WDR27: variants seen among roughly 807,000 people sequenced by gnomAD.
The protein encoded by WDR27 is WD repeat domain 27, also known as WD repeat-containing protein 27.
WDR27 carries 100 observed loss-of-function variants against 114.4 expected under a neutral mutation model. The ratio of observed to expected loss-of-function variants is 0.87; its 90% CI spans 0.74 to 1.03. The LOEUF (loss-of-function observed/expected upper bound fraction) is 1.03. WDR27 is among the 50% of genes least tolerant of loss of function. The pLI is 0.00. For missense variants in WDR27, 1,129 were observed against 1,092.9 expected, an observed-to-expected ratio of 1.03 and a Z score of -0.47; for synonymous variants, 449 against 423.1, an observed-to-expected ratio of 1.06 and a Z score of -0.75.
At position 169,670,624 on chromosome 6, in the gene WDR27, T is replaced by A. The variant is rs773827084; in HGVS notation, c.401A>T (p.Asp134Val). 12 of 1,613,926 alleles carry A rather than the reference T, an allele frequency of 7.4e-6. No homozygotes were observed. Among genetic ancestry groups the A allele is most frequent in the Non-Finnish European group, 1.0e-5 (12 of 1,179,878 alleles). ...GKVLCLQLSLDDHVVAVCAGN... is the reference protein window; with the variant it reads ...GKVLCLQLSLVDHVVAVCAGN... ...AGCACACACGGCAACAACATGATCA[T>A]CCAGGCTCAACTGTAAACACAGCAC... Residue 134 changes from aspartate to valine, a missense_variant, in exon 4 of 26, where the codon GAT (aspartate) becomes GTT (valine). By Grantham distance (152) the Asp-to-Val change is radical. Coordinates refer to ENST00000448612, the MANE Select transcript of WDR27 (RefSeq NM_182552.5).
At chr6:169,605,361 T>C (rs1387305803) in intron 22 of WDR27, among the ~76,000 whole-genome samples, 5 of 151,710 alleles carry the variant, frequency 3.3e-5, no homozygotes, top group African/African-American at 7.3e-5. Context: ...CTATTTACAA[T>C]AGCTATAAAA....
intron 25 of WDR27, among the ~76,000 whole-genome samples, chr6:169,469,258 A>G (rs1175411338): frequency 1.3e-5 from 2 of 152,294 alleles, no homozygotes; most frequent in Middle Eastern, 3.4e-3. Flanking sequence ...CTAAATCTCT[A>G]TCTGTTAACC....
intron 2 of WDR27, among the ~76,000 whole-genome samples, chr6:169,685,611 T>G (rs937811815): frequency 6.6e-6 from 1 of 152,142 alleles, no homozygotes; most frequent in South Asian, 2.1e-4. Flanking sequence ...CTAGGCTTCA[T>G]CACGCTGAAG....
At chr6:169,641,277 C>G (rs1459151500) in intron 17 of WDR27, among the ~76,000 whole-genome samples, 8 of 152,226 alleles carry the variant, frequency 5.3e-5, no homozygotes, top group Non-Finnish European at 1.2e-4. Context: ...GCGCTGCGGG[C>G]CGCAGGGTGC....
intron 25 of WDR27, among the ~76,000 whole-genome samples, chr6:169,518,381 G>T (rs915503578): frequency 2.6e-5 from 4 of 152,256 alleles, no homozygotes; most frequent in African/African-American, 9.6e-5. Context: ...TATATCTTCT[G>T]AAATCTAGGC....
intron 21 of WDR27, among the ~76,000 whole-genome samples, chr6:169,624,344 C>T (rs1039532905): frequency 4.6e-5 from 7 of 152,128 alleles, no homozygotes; most frequent in Admixed American, 1.3e-4. Flanking sequence ...ACTCTGGATC[C>T]GAGGACAAAG....
At chr6:169,472,040 T>C (rs949975798) in intron 25 of WDR27, among the ~76,000 whole-genome samples, 1 of 152,164 alleles carries the variant, frequency 6.6e-6, no homozygotes, top group South Asian at 2.1e-4. Flanking sequence ...GGTATTAGGT[T>C]CTAACACATG....
intron 22 of WDR27, among the ~76,000 whole-genome samples, chr6:169,610,303 G>A (rs1421413290): frequency 6.6e-6 from 1 of 152,166 alleles, no homozygotes; most frequent in African/African-American, 2.4e-5. Context: ...TTGCACTGCT[G>A]ATAAAGACAT....
chr6:169,472,699 CTAATATT>C (rs1786593552), intron 25 of WDR27, among the ~76,000 whole-genome samples: 1 of 152,028 alleles, frequency 6.6e-6, no homozygotes, highest in South Asian at 2.1e-4. Context: ...AAGTAATAAA[CTAATATT>C]TATAGAGCAG....
intron 25 of WDR27, among the ~76,000 whole-genome samples, chr6:169,502,088 C>T (rs963394378): frequency 2.0e-5 from 3 of 152,192 alleles, no homozygotes; most frequent in African/African-American, 4.8e-5. Context: ...CTAGGGCAGC[C>T]GCCCCGGGGC....
intron 23 of WDR27, among the ~76,000 whole-genome samples, chr6:169,595,363 T>G (rs945507324): frequency 1.3e-5 from 2 of 152,230 alleles, no homozygotes. Flanking sequence ...AAAAGCTTTA[T>G]GCAAAACTCT....
chr6:169,428,394 T>C, the WDR27 span, among the ~76,000 whole-genome samples: 810 of 152,354 alleles, frequency 5.3e-3, 9 homozygotes, highest in African/African-American at 0.019. Context: ...GTTTTAGTTA[T>C]GGAATCTTAA....
chr6:169,670,509 A>G, intron 4 of WDR27, 60 bp downstream of exon 4: 2 of 1,606,644 alleles, frequency 1.2e-6, no homozygotes, highest in African/African-American at 1.3e-5. Context: ...AAGGTCCCAG[A>G]ACCTGGGAGG....
At chr6:169,582,581 A>G (rs1019588407) in intron 24 of WDR27, among the ~76,000 whole-genome samples, 1 of 152,192 alleles carries the variant, frequency 6.6e-6, no homozygotes, top group South Asian at 2.1e-4. Context: ...TCAATCAAAC[A>G]TGCATGACTG....
At chr6:169,670,794 C>T in intron 3 of WDR27, 101 bp from the exon 4 acceptor site, 1 of 1,425,344 alleles carries the variant, frequency 7.0e-7, no homozygotes, top group Non-Finnish European at 9.6e-7. Flanking sequence ...TCTAAAATTA[C>T]TGAGAGAATG....
chr6:169,526,708 G>A (rs747459159), intron 25 of WDR27, among the ~76,000 whole-genome samples: 22 of 151,976 alleles, frequency 1.4e-4, no homozygotes, highest in Non-Finnish European at 3.1e-4. Flanking sequence ...TAAGGAAAAT[G>A]AAAAATCCAC....
the WDR27 span, among the ~76,000 whole-genome samples, chr6:169,447,920 T>C: frequency 6.6e-6 from 1 of 152,204 alleles, no homozygotes; most frequent in Non-Finnish European, 1.5e-5. Context: ...ATTTTATACT[T>C]ACTTCCCTCA....
chr6:169,625,577 G>A (rs1478732859), intron 21 of WDR27, among the ~76,000 whole-genome samples: 2 of 152,206 alleles, frequency 1.3e-5, no homozygotes, highest in South Asian at 2.1e-4. Context: ...CAGGCCCGAC[G>A]GGGTCAGTCC....
intron 25 of WDR27, among the ~76,000 whole-genome samples, chr6:169,509,832 AG>A (rs1471080093): frequency 7.9e-5 from 12 of 152,262 alleles, no homozygotes; most frequent in African/African-American, 2.9e-4. Flanking sequence ...CCACCATCAC[AG>A]TGAACAGGCA....
Sources: allele counts gnomAD v4.1 joint callset (sites outside exome capture counted in the v4.1 genomes callset), GRCh38; gene constraint gnomAD v4.1.1; transcripts MANE v1.5; gene names NCBI Gene and HGNC (gene_info 2026-07-23, HGNC 2026-07-21).